DMD: variants seen among roughly 807,000 people sequenced by gnomAD.
DMD encodes the protein mutant dystrophin.
A neutral mutation model predicts 330.1 loss-of-function variants in DMD; 63 were observed. The observed-to-expected ratio is 0.19, with a 90% CI of 0.16 to 0.24. DMD has a LOEUF of 0.24. Ranked by LOEUF, DMD falls within the 10% of genes least tolerant of loss-of-function variation. The pLI is 1.00. For missense variants in DMD, 3,344 were observed against 2,684.1 expected (o/e 1.25, Z -5.43); for synonymous variants, 1,223 against 959.8 (o/e 1.27, Z -5.07).
At chrX:32,327,621 T>G (rs1476888702) in intron 41 of DMD, among the ~76,000 whole-genome samples, 2 of 111,749 alleles carry the variant, frequency 1.8e-5, no homozygotes, top group African/African-American at 3.2e-5. Flanking sequence ...CACCTTAGGC[T>G]TAATGTGCTC....
At chrX:32,928,532 A>G (rs17341128) in intron 2 of DMD, among the ~76,000 whole-genome samples, 37,259 of 110,279 alleles carry the variant, frequency 0.34, 4,788 homozygotes, top group East Asian at 0.59. Context: ...AAGAAGATGA[A>G]GTCAGATACC....
intron 55 of DMD, among the ~76,000 whole-genome samples, chrX:31,623,931 A>G (rs2078699997): frequency 9.0e-6 from 1 of 111,271 alleles, no homozygotes. Flanking sequence ...AGGGGTACTT[A>G]GAGAACCACT....
intron 55 of DMD, among the ~76,000 whole-genome samples, chrX:31,595,980 T>C (rs184284773): frequency 7.2e-4 from 80 of 111,510 alleles, no homozygotes; most frequent in Admixed American, 5.3e-3. Context: ...CTATAAGCTA[T>C]AATAAAATGA....
At chrX:32,983,456 C>T (rs1214897046) in intron 2 of DMD, among the ~76,000 whole-genome samples, 1 of 106,511 alleles carries the variant, frequency 9.4e-6, no homozygotes, top group Non-Finnish European at 1.9e-5. Flanking sequence ...CTACTAAGAA[C>T]TAAAAGGGGG....
chrX:31,822,443 T>C (rs1377506440), intron 49 of DMD, among the ~76,000 whole-genome samples: 1 of 112,156 alleles, frequency 8.9e-6, no homozygotes, highest in African/African-American at 3.2e-5. Context: ...ATTAAGACCT[T>C]GTAATGTGGG....
At chrX:32,695,515 GA>G (rs748305145) in intron 9 of DMD, among the ~76,000 whole-genome samples, 150 of 110,910 alleles carry the variant, frequency 1.4e-3, no homozygotes, top group African/African-American at 2.4e-3. Flanking sequence ...AAAATTAAGC[GA>G]AAAAAATTGT....
chrX:33,248,164 C>T (rs2052701884), intron 1 of DMD, among the ~76,000 whole-genome samples: 1 of 110,727 alleles, frequency 9.0e-6, no homozygotes, highest in Non-Finnish European at 1.9e-5. Flanking sequence ...GCCTCAGCCT[C>T]CCCAGTAGCT....
intron 7 of DMD, among the ~76,000 whole-genome samples, chrX:32,738,659 G>A (rs2068834704): frequency 8.9e-6 from 1 of 111,851 alleles, no homozygotes; most frequent in African/African-American, 3.2e-5. Context: ...AAAACTAGGA[G>A]ACTGAAAACT....
chrX:32,868,005 G>A (rs931430181), intron 2 of DMD, among the ~76,000 whole-genome samples: 10 of 110,247 alleles, frequency 9.1e-5, no homozygotes, highest in African/African-American at 2.3e-4. Flanking sequence ...AACCGTGAGT[G>A]AATCCTGCAC....
intron 42 of DMD, among the ~76,000 whole-genome samples, chrX:32,308,324 T>C (rs1395199890): frequency 9.0e-6 from 1 of 111,509 alleles, no homozygotes; most frequent in Non-Finnish European, 1.9e-5. Context: ...TGCATATCTG[T>C]CAGGAATAAA....
chrX:33,043,231 T>C (rs1406451581), intron 1 of DMD, among the ~76,000 whole-genome samples: 1 of 111,617 alleles, frequency 9.0e-6, no homozygotes, highest in East Asian at 2.8e-4. Flanking sequence ...GGGTGACAAA[T>C]GTGGGAACAT....
At position 32,443,281 on chromosome X, in the gene DMD, T is replaced by C. The variant is rs145651211; in HGVS notation, c.3787-1967A>G. Among the ~76,000 whole-genome samples, 809 of 111,285 alleles carry C rather than the reference T, an allele frequency of 7.3e-3. 8 individuals carry two copies. Among genetic ancestry groups the C allele is most frequent in the African/African-American group, 0.024 (754 of 30,813 alleles). On this transcript the variant is annotated intron_variant, in intron 27 of 78. Transcript: ENST00000357033. The stretch of plus-strand genomic sequence containing the variant: ...CCTTAGAATGACACAGAGTATTCGA[T>C]CTCTATCTGATGAAAAGTATCAGTC...
intron 9 of DMD, among the ~76,000 whole-genome samples, chrX:32,683,817 A>T (rs2062629159): frequency 9.1e-6 from 1 of 109,587 alleles, no homozygotes; most frequent in African/African-American, 3.3e-5. Flanking sequence ...GAAGGAGTGA[A>T]TGTAACCATT....
rs901174050 is a variant in DMD, at chrX:33,122,775, G to A, written c.31+88507C>T. On this transcript the variant is annotated intron_variant, in intron 1 of 78. Coordinates refer to ENST00000357033, the MANE Select transcript of DMD (RefSeq NM_004006.3). ...GCTGCTTGAAGAGATAAAAACAAGCGGGGACCTCCCTCTAAACCTTCCACT... is the reference window on the plus strand; with the variant it reads ...GCTGCTTGAAGAGATAAAAACAAGCAGGGACCTCCCTCTAAACCTTCCACT... Among the ~76,000 whole-genome samples the A allele has an allele frequency of 3.6e-5, 4 of 111,659 alleles. No homozygotes were observed. The East Asian group carries it at 8.5e-4, about 24-fold the overall frequency.
At chrX:31,887,349 G>A (rs1381127497) in intron 47 of DMD, among the ~76,000 whole-genome samples, 3 of 111,419 alleles carry the variant, frequency 2.7e-5, no homozygotes, top group Non-Finnish European at 3.8e-5. Flanking sequence ...TGATTCTCTT[G>A]CTTAAAATTG....
intron 47 of DMD, among the ~76,000 whole-genome samples, chrX:31,887,433 G>A (rs776412915): frequency 4.5e-4 from 50 of 111,729 alleles, no homozygotes; most frequent in Non-Finnish European, 4.0e-4. Flanking sequence ...ACAATCTGAC[G>A]CTATCTTCCA....
At chrX:32,408,892 CTATCTATCTATCTATCT>C (rs1569561556) in intron 30 of DMD, among the ~76,000 whole-genome samples, 32 of 108,538 alleles carry the variant, frequency 2.9e-4, no homozygotes, top group African/African-American at 1.0e-3. Flanking sequence ...ATCTATCTAT[CTATCTATCTATCTATCT>C]ATCCATCCAT....
chrX:31,458,000 T>C (rs1320887571), intron 59 of DMD, among the ~76,000 whole-genome samples: 4 of 111,806 alleles, frequency 3.6e-5, no homozygotes, highest in Non-Finnish European at 7.5e-5. Flanking sequence ...TTAATGTTTT[T>C]AGCCTTTCTA....
chrX:32,865,075 T>C (rs61291991), intron 2 of DMD, among the ~76,000 whole-genome samples: 16,118 of 111,131 alleles, frequency 0.15, 2,566 homozygotes, highest in African/African-American at 0.47. Context: ...ATTTAAATTT[T>C]GCCAGTTGTG....
Sources: gnomAD v4.1 joint callset for allele counts (sites outside exome capture counted in the v4.1 genomes callset) on GRCh38, gnomAD v4.1.1 for gene constraint, MANE v1.5 for transcripts, NCBI Gene and HGNC (gene_info 2026-07-23, HGNC 2026-07-21) for gene names.